Variants in ITFG1 observed in about 807,000 individuals in gnomAD.
ITFG1 encodes integrin alpha FG-GAP repeat containing 1.
In ITFG1, 34 loss-of-function variants were observed where a neutral mutation model predicts 81.8. That is an observed-to-expected ratio of 0.42 (90% confidence interval 0.32 to 0.55). The LOEUF is 0.55. ITFG1 is among the 20% of genes least tolerant of loss of function. The probability of loss-of-function intolerance (pLI) is 0.17; values close to 1 mark genes in which losing one functional copy is unlikely to be tolerated. For synonymous variants in ITFG1, 285 were observed against 270.6 expected (o/e 1.05, Z -0.52); for missense variants, 672 against 755.4 (o/e 0.89, Z 1.29).
intron 8 of ITFG1, among the ~76,000 whole-genome samples, chr16:47,326,251 T>A (rs968494983): frequency 1.3e-5 from 2 of 151,948 alleles, no homozygotes; most frequent in East Asian, 1.9e-4. Flanking sequence ...GATGCAGAAA[T>A]GGCCTTTGAC....
At chr16:47,350,531 G>A (rs189557521) in intron 8 of ITFG1, among the ~76,000 whole-genome samples, 2 of 152,300 alleles carry the variant, frequency 1.3e-5, no homozygotes, top group Non-Finnish European at 2.9e-5. Flanking sequence ...TTGATTCTCT[G>A]AATAGACCAA....
rs1431193852 is a variant in ITFG1, at chr16:47,154,439, C to T, written c.*1280G>A. 6.6e-6 allele frequency: 1 copy of T among 151,882 alleles called. No homozygotes were observed. Among genetic ancestry groups the T allele is most frequent in the Non-Finnish European group, 1.5e-5 (1 of 67,966 alleles). The allele number at this position is 151,882 out of a possible 1,614,324, so 9.4% of individuals were successfully genotyped here. A position where few individuals can be genotyped will look rare whatever the true frequency, so the allele number is the denominator to read the frequency against. ...GAAGACATGTTAACATGCTTAGATA[C>T]AAAGTAAAAACACATGCCAATCTCA... On this transcript the variant is annotated 3_prime_UTR_variant, in exon 18 of 18. Transcript: ENST00000320640.
At chr16:47,358,409 T>C (rs894863303) in intron 8 of ITFG1, among the ~76,000 whole-genome samples, 6 of 152,234 alleles carry the variant, frequency 3.9e-5, no homozygotes, top group African/African-American at 1.4e-4. Flanking sequence ...CAGTAAATAC[T>C]GTAGATAATG....
Position 47,238,016 on chromosome 16 carries a change from A to G in ITFG1, c.1331-8T>C. On this transcript the variant is annotated splice_region_variant and splice_polypyrimidine_tract_variant and intron_variant, in intron 12 of 17. Transcript: ENST00000320640. The stretch of plus-strand genomic sequence containing the variant: ...AACACAGACCACTAAGAACTGTGGA[A>G]AAATAAACAGGCAATTATTACTATT... 6.9e-7 allele frequency: 1 copy of G among 1,457,604 alleles called. No individual in the cohort carries two copies. The highest frequency in any genetic ancestry group is 1.3e-5 in the South Asian group (1 of 78,642). The allele number at this position is 1,457,604 out of a possible 1,614,324, so 90.3% of individuals were successfully genotyped here. A position where few individuals can be genotyped will look rare whatever the true frequency, so the allele number is the denominator to read the frequency against.
At chr16:47,420,164 A>G (rs1968926509) in intron 6 of ITFG1, among the ~76,000 whole-genome samples, 1 of 152,060 alleles carries the variant, frequency 6.6e-6, no homozygotes, top group South Asian at 2.1e-4. Context: ...TCCTCTTGTC[A>G]TTGATTTCTA....
chr16:47,308,832 G>T (rs1967211072), intron 10 of ITFG1, among the ~76,000 whole-genome samples: 1 of 152,080 alleles, frequency 6.6e-6, no homozygotes, highest in Non-Finnish European at 1.5e-5. Context: ...TAAGAGCCCA[G>T]TGGAAGCTCA....
intron 10 of ITFG1, among the ~76,000 whole-genome samples, chr16:47,267,355 T>C (rs1161116555): frequency 1.3e-5 from 2 of 152,162 alleles, no homozygotes; most frequent in Non-Finnish European, 2.9e-5. Context: ...GAGTCAGTTC[T>C]AGAGAACATA....
At chr16:47,398,302 A>C (rs764395963) in intron 6 of ITFG1, among the ~76,000 whole-genome samples, 1 of 152,248 alleles carries the variant, frequency 6.6e-6, no homozygotes, top group Non-Finnish European at 1.5e-5. Context: ...ACAAAAAAAA[A>C]GGCCTGAATC....
chr16:47,334,497 G>A (rs954565702), intron 8 of ITFG1, among the ~76,000 whole-genome samples: 3 of 152,106 alleles, frequency 2.0e-5, no homozygotes, highest in Non-Finnish European at 4.4e-5. Context: ...AGCAGTGAAC[G>A]CCAAAAAATT....
chr16:47,439,405 G>T (rs867442327), intron 5 of ITFG1, among the ~76,000 whole-genome samples: 1 of 152,130 alleles, frequency 6.6e-6, no homozygotes, highest in Admixed American at 6.5e-5. Context: ...AAGTTGAAAT[G>T]AAAGAAAAAA....
chr16:47,182,793 G>A (rs1043710137), intron 14 of ITFG1, among the ~76,000 whole-genome samples: 12 of 152,192 alleles, frequency 7.9e-5, no homozygotes, highest in Admixed American at 3.3e-4. Flanking sequence ...GAAAAGCTCC[G>A]GTCTACAGCT....
At chr16:47,205,996 G>A (rs2151522335) in intron 14 of ITFG1, among the ~76,000 whole-genome samples, 1 of 152,166 alleles carries the variant, frequency 6.6e-6, no homozygotes, top group South Asian at 2.1e-4. Flanking sequence ...CCCCTGAGTA[G>A]CTGCGACTAC....
At chr16:47,394,648 A>G (rs1379968165) in intron 6 of ITFG1, among the ~76,000 whole-genome samples, 1 of 151,972 alleles carries the variant, frequency 6.6e-6, no homozygotes, top group Non-Finnish European at 1.5e-5. Context: ...AAAAAAAAAG[A>G]CACATCTCTC....
intron 6 of ITFG1, among the ~76,000 whole-genome samples, chr16:47,394,230 T>TA (rs2151596889): frequency 6.6e-6 from 1 of 152,338 alleles, no homozygotes; most frequent in African/African-American, 2.4e-5. Flanking sequence ...ATCTGGAAGA[T>TA]ACAGTCTGTG....
intron 6 of ITFG1, among the ~76,000 whole-genome samples, chr16:47,408,305 G>A (rs749115172): frequency 1.2e-4 from 19 of 152,160 alleles, no homozygotes; most frequent in Non-Finnish European, 2.9e-5. Context: ...TCCCTTGGCC[G>A]ATGACATAAC....
At chr16:47,296,712 A>G (rs893607078) in intron 10 of ITFG1, among the ~76,000 whole-genome samples, 1 of 152,362 alleles carries the variant, frequency 6.6e-6, no homozygotes, top group Non-Finnish European at 1.5e-5. Context: ...CTGGGATTAC[A>G]GGCTTGGGCC....
intron 10 of ITFG1, among the ~76,000 whole-genome samples, chr16:47,297,822 T>C (rs113002322): frequency 3.8e-4 from 58 of 152,312 alleles, no homozygotes; most frequent in African/African-American, 1.3e-3. Context: ...GAACTATGTC[T>C]TGCAATGCAC....
At chr16:47,443,082 G>A (rs1462475391) in intron 5 of ITFG1, among the ~76,000 whole-genome samples, 1 of 152,146 alleles carries the variant, frequency 6.6e-6, no homozygotes, top group African/African-American at 2.4e-5. Flanking sequence ...CAAAAAGTGG[G>A]CAAAGGGCAT....
At chr16:47,191,088 T>C (rs537799860) in intron 14 of ITFG1, among the ~76,000 whole-genome samples, 9 of 152,322 alleles carry the variant, frequency 5.9e-5, no homozygotes, top group African/African-American at 2.2e-4. Context: ...CTAATAATGG[T>C]ATGAATACTG....
Sources: allele counts gnomAD v4.1 joint callset (sites outside exome capture counted in the v4.1 genomes callset), GRCh38; gene constraint gnomAD v4.1.1; transcripts MANE v1.5; gene names NCBI Gene and HGNC (gene_info 2026-07-23, HGNC 2026-07-21).